The following RIC3 variants were observed in gnomAD, a reference collection of about 807,000 sequenced individuals.
The protein encoded by RIC3 is RIC3 acetylcholine receptor chaperone.
A neutral mutation model predicts 27.3 loss-of-function variants in RIC3; 28 were observed. The ratio of observed to expected loss-of-function variants is 1.02; its 90% CI spans 0.76 to 1.41. RIC3 has a LOEUF of 1.41. Ranked by LOEUF, RIC3 falls within the 40% of genes most tolerant of loss-of-function variation. RIC3 has a pLI of 0.00. For missense variants in RIC3, 501 were observed against 444.7 expected (o/e 1.13, Z -1.14); for synonymous variants, 184 against 160.4 (o/e 1.15, Z -1.11).
the RIC3 span, chr11:8,100,820 TC>T: frequency 6.2e-7 from 1 of 1,613,582 alleles, no homozygotes; most frequent in Non-Finnish European, 8.5e-7. Flanking sequence ...GAGGCTGCCC[TC>T]CCAGGAGCAT....
chr11:8,093,769 T>C, the RIC3 span, among the ~76,000 whole-genome samples: 1 of 152,150 alleles, frequency 6.6e-6, no homozygotes, highest in African/African-American at 2.4e-5. Flanking sequence ...AACTTTTGAG[T>C]GCGCACTTTG....
chr11:8,111,716 G>A (rs183803600), intron 5 of RIC3, among the ~76,000 whole-genome samples: 1 of 152,364 alleles, frequency 6.6e-6, no homozygotes, highest in African/African-American at 2.4e-5. Context: ...ATTTTCGGAA[G>A]ACAGAATTCC....
the RIC3 span, among the ~76,000 whole-genome samples, chr11:8,099,909 A>G: frequency 2.0e-5 from 3 of 152,174 alleles, no homozygotes; most frequent in African/African-American, 7.2e-5. Context: ...AATGGTGAGG[A>G]GAGGAAGGTC....
chr11:8,126,998 G>A, intron 4 of RIC3, 191 bp from the exon 5 acceptor site: 1 of 684,354 alleles, frequency 1.5e-6, no homozygotes, highest in Non-Finnish European at 2.4e-6. Flanking sequence ...TTTTATAAAT[G>A]GGAAAATTAA....
chr11:8,098,797 T>C, the RIC3 span: 1 of 1,614,166 alleles, frequency 6.2e-7, no homozygotes, highest in Non-Finnish European at 8.5e-7. Flanking sequence ...TTTATGACAA[T>C]GGAGTCAACC....
chr11:8,099,292 G>A, the RIC3 span, among the ~76,000 whole-genome samples: 5 of 152,096 alleles, frequency 3.3e-5, no homozygotes, highest in African/African-American at 1.2e-4. Flanking sequence ...TATAGATGAG[G>A]AAACTGAAGC....
At chr11:8,097,181 C>T in the RIC3 span, 2 of 1,603,200 alleles carry the variant, frequency 1.2e-6, no homozygotes, top group Admixed American at 1.7e-5. Flanking sequence ...CCAATTTGGG[C>T]TGCTTAGGGT....
chr11:8,101,006 TTC>T, the RIC3 span: 2 of 1,614,118 alleles, frequency 1.2e-6, no homozygotes, highest in South Asian at 2.2e-5. Flanking sequence ...CCGTGAGTGT[TTC>T]TGTCCCTACT....
chr11:8,111,460 TAAAAC>T (rs1039400711), intron 5 of RIC3, among the ~76,000 whole-genome samples: 12 of 152,146 alleles, frequency 7.9e-5, no homozygotes, highest in East Asian at 1.9e-4. Flanking sequence ...AGCCTTTAGT[TAAAAC>T]AAAAAAAGCA....
At chr11:8,101,834 GGATGAGAATAAT>G, downstream of RIC3, 1 of 703,248 alleles carries the variant, frequency 1.4e-6, no homozygotes, top group South Asian at 2.1e-5. Flanking sequence ...GGGTGTGAAG[GGATGAGAATAAT>G]TCTTTCCATG....
At chr11:8,100,587 A>G in the RIC3 span, 4 of 1,613,830 alleles carry the variant, frequency 2.5e-6, no homozygotes, top group African/African-American at 4.0e-5. Flanking sequence ...GAGAGTCTCT[A>G]TCCGCCCCCG....
At chr11:8,137,539 AT>A in intron 3 of RIC3, 68 bp from the exon 4 acceptor site, 1 of 1,270,780 alleles carries the variant, frequency 7.9e-7, no homozygotes. Context: ...GAGACCACAA[AT>A]TTTTAAAAAG....
chr11:8,095,976 T>A, the RIC3 span, among the ~76,000 whole-genome samples: 1 of 152,186 alleles, frequency 6.6e-6, no homozygotes, highest in East Asian at 1.9e-4. Context: ...ACGGGGTAGA[T>A]CCTCCGTGGA....
intron 4 of RIC3, among the ~76,000 whole-genome samples, chr11:8,136,394 C>T (rs1948426497): frequency 1.3e-5 from 2 of 152,222 alleles, no homozygotes; most frequent in East Asian, 3.8e-4. Flanking sequence ...GCCACTCCCC[C>T]TAATATTCTT....
intron 4 of RIC3, among the ~76,000 whole-genome samples, chr11:8,133,953 T>A (rs1035903730): frequency 2.6e-5 from 4 of 152,006 alleles, no homozygotes; most frequent in Non-Finnish European, 4.4e-5. Flanking sequence ...TGAGGGGCCC[T>A]GCCCACAGAG....
At chr11:8,121,064 T>C (rs1423257110) in intron 5 of RIC3, among the ~76,000 whole-genome samples, 1 of 152,186 alleles carries the variant, frequency 6.6e-6, no homozygotes, top group African/African-American at 2.4e-5. Context: ...GAGACAGTGG[T>C]TAAGAATGAA....
downstream of RIC3, chr11:8,101,460 CTG>C: frequency 9.7e-7 from 1 of 1,028,946 alleles, no homozygotes; most frequent in Non-Finnish European, 1.3e-6. Flanking sequence ...GTCCTTTTCT[CTG>C]TCTGTGCCTG....
intron 1 of RIC3, among the ~76,000 whole-genome samples, chr11:8,160,036 GA>G (rs1162184057): frequency 2.0e-5 from 3 of 151,786 alleles, no homozygotes; most frequent in Non-Finnish European, 4.4e-5. Context: ...AAAAAAGAAA[GA>G]AAAAAAGAAA....
rs201574521 is a variant in RIC3, at chr11:8,150,859, AC to A, written c.125-10667del. On this transcript the variant is annotated intron_variant, in intron 1 of 5. Transcript: ENST00000309737. The stretch of plus-strand genomic sequence containing the variant: ...TTTAGACAATAACAGAAACCAAAGT[AC>A]TACAAAGCCTCAGAGTCAAAGGGGG... Among the ~76,000 whole-genome samples, 29 of 152,364 alleles carry A rather than the reference AC, an allele frequency of 1.9e-4. No individual in the cohort carries two copies. The East Asian group carries it at 5.4e-3, about 28-fold the overall frequency.
Sources: allele counts gnomAD v4.1 joint callset (sites outside exome capture counted in the v4.1 genomes callset), GRCh38; gene constraint gnomAD v4.1.1; transcripts MANE v1.5; gene names NCBI Gene and HGNC (gene_info 2026-07-23, HGNC 2026-07-21).